The following DENND2B variants were observed in gnomAD, a reference collection of about 807,000 sequenced individuals.
DENND2B encodes the protein DENN domain containing 2B.
A neutral mutation model predicts 116.0 loss-of-function variants in DENND2B; 32 were observed. That is an observed-to-expected ratio of 0.28 (90% CI 0.21 to 0.37). The LOEUF is 0.37. Ranked by LOEUF, DENND2B falls within the 10% of genes least tolerant of loss-of-function variation. DENND2B has a pLI of 1.00. For missense variants in DENND2B, 1,276 were observed against 1,477.7 expected, an observed-to-expected ratio of 0.86 and a Z score of 2.24; for synonymous variants, 588 against 583.9, an observed-to-expected ratio of 1.01 and a Z score of -0.10.
intron 4 of DENND2B, among the ~76,000 whole-genome samples, chr11:8,833,670 T>C: frequency 6.6e-6 from 1 of 152,096 alleles, no homozygotes; most frequent in East Asian, 1.9e-4. Flanking sequence ...GCAAAGACCT[T>C]GGCTGCGAAT....
Position 8,702,217 on chromosome 11 carries a change from C to G in DENND2B, c.2720+355G>C, listed in dbSNP as rs536639290. Among the ~76,000 whole-genome samples, 1 of 152,286 alleles carries G rather than the reference C, an allele frequency of 6.6e-6. No homozygotes were observed. Among genetic ancestry groups the G allele is most frequent in the African/African-American group, 2.4e-5 (1 of 41,554 alleles). On this transcript the variant is annotated intron_variant, in intron 14 of 19. Transcript: ENST00000313726. The surrounding 1 kb of genome is among the most constrained non-coding windows in gnomAD (Gnocchi z 4.6). ...GCATCCCATTGAGATGGCTTTGCCT[C>G]CCCCTCCAGAAGAAATGCAACCATC...
intron 1 of DENND2B, chr11:8,776,429 T>C: frequency 2.7e-6 from 1 of 364,068 alleles, no homozygotes; most frequent in Non-Finnish European, 5.4e-6. Context: ...GCCCAGTCAC[T>C]GAGGACACAG....
chr11:8,777,546 A>C (rs1355275606), intron 1 of DENND2B, among the ~76,000 whole-genome samples: 1 of 152,228 alleles, frequency 6.6e-6, no homozygotes, highest in African/African-American at 2.4e-5. Flanking sequence ...GAAAGCAGTA[A>C]GATGGAAAAG....
chr11:8,886,749 C>T (rs190530705), intron 1 of DENND2B, among the ~76,000 whole-genome samples: 122 of 151,992 alleles, frequency 8.0e-4, no homozygotes, highest in African/African-American at 2.8e-3. Context: ...GTACTCAATA[C>T]ATGTCTGTTG....
rs781611628 is a variant in DENND2B, at chr11:8,789,686, TA to T, written c.-26+20830del. 3.3e-5 allele frequency among the ~76,000 whole-genome samples: 5 copies of T among 152,130 alleles called. No individual in the cohort carries two copies. The South Asian group carries it at 6.2e-4, about 19-fold the overall frequency. The stretch of plus-strand genomic sequence containing the variant: ...CCAAAGAAACAATCAGACAAATCCA[TA>T]ATGTGAAAAGTGAATTCATGTTAAG... On this transcript the variant is annotated intron_variant, in intron 1 of 19. Coordinates refer to ENST00000313726, the MANE Select transcript of DENND2B (RefSeq NM_213618.2).
At chr11:8,873,864 T>C (rs1411187590), upstream of DENND2B, among the ~76,000 whole-genome samples, 3 of 152,168 alleles carry the variant, frequency 2.0e-5, no homozygotes, top group East Asian at 5.8e-4. Context: ...GAAATCGCCA[T>C]GGAAGGATAC....
intron 2 of DENND2B, among the ~76,000 whole-genome samples, chr11:8,866,023 G>A (rs947867688): frequency 6.6e-5 from 10 of 151,872 alleles, no homozygotes; most frequent in African/African-American, 2.2e-4. Flanking sequence ...GCAGTGGCGC[G>A]ATCTCGGCTC....
At chr11:8,849,917 T>A (rs1316433910) in intron 3 of DENND2B, among the ~76,000 whole-genome samples, 1 of 150,352 alleles carries the variant, frequency 6.7e-6, no homozygotes, top group South Asian at 2.1e-4. Context: ...GGTGGATCAC[T>A]TGAGCCCAGG....
In DENND2B at chr11:8,702,461, CCACTCCAGCA is replaced by C. The variant is rs2041878633; in HGVS notation, c.2720+101_2720+110del. On this transcript the variant is annotated intron_variant, in intron 14 of 19. Coordinates refer to ENST00000313726, the MANE Select transcript of DENND2B (RefSeq NM_213618.2). The surrounding 1 kb of genome is among the most constrained non-coding windows in gnomAD (Gnocchi z 4.6). ...GTCTTCCATCTCCCTACGCACAGCCCCACTCCAGCACTGGTCTCCGGCGCCTGCTTAGGCT... is the reference window on the plus strand; with the variant it reads ...GTCTTCCATCTCCCTACGCACAGCCCCTGGTCTCCGGCGCCTGCTTAGGCT... 6.8e-7 allele frequency: 1 copy of C among 1,479,090 alleles called. No individual in the cohort carries two copies. Among genetic ancestry groups the C allele is most frequent in the Non-Finnish European group, 9.2e-7 (1 of 1,092,496 alleles). The allele number at this position is 1,479,090 out of a possible 1,614,324, so 91.6% of individuals were successfully genotyped here.
At chr11:8,758,801 G>T (rs969866212) in intron 1 of DENND2B, among the ~76,000 whole-genome samples, 2 of 152,096 alleles carry the variant, frequency 1.3e-5, no homozygotes, top group Non-Finnish European at 2.9e-5. Flanking sequence ...GGTCCACTCG[G>T]CTCTAACCTG....
Position 8,731,038 on chromosome 11 carries a change from G to A in DENND2B, c.252C>T (p.Ser84=), listed in dbSNP as rs945757681. 3.1e-6 allele frequency: 5 copies of A among 1,614,152 alleles called. No individual in the cohort carries two copies. The highest frequency in any genetic ancestry group is 3.3e-5 in the Admixed American group (2 of 60,038). ...APSPQNPQDP[S]PDTSPPTCPF... ...GACAGGTGGGTGGGGAAGTATCTGGGGAGGGATCTTGAGGATTCTGGGGTG... is the reference window on the plus strand; with the variant it reads ...GACAGGTGGGTGGGGAAGTATCTGGAGAGGGATCTTGAGGATTCTGGGGTG... The change falls in exon 3 of 20, where the codon TCC becomes TCT. Residue 84 remains serine (S), a synonymous_variant. Transcript: ENST00000313726.
At chr11:8,764,942 C>CT (rs2055381114) in intron 1 of DENND2B, among the ~76,000 whole-genome samples, 1 of 100,290 alleles carries the variant, frequency 1.0e-5, no homozygotes, top group Non-Finnish European at 1.9e-5. Flanking sequence ...GAGACTGTCT[C>CT]AAAAAAAAAA....
At chr11:8,697,717 G>A in intron 16 of DENND2B, 81 bp from the exon 17 acceptor site, 2 of 891,038 alleles carry the variant, frequency 2.2e-6, no homozygotes, top group Non-Finnish European at 3.8e-6. Flanking sequence ...AGAAGAGCGT[G>A]AGTAGATAAT....
At chr11:8,751,850 A>G (rs913168080) in intron 1 of DENND2B, among the ~76,000 whole-genome samples, 12 of 152,208 alleles carry the variant, frequency 7.9e-5, no homozygotes, top group Admixed American at 2.6e-4. Flanking sequence ...CCATATTTGC[A>G]TATCTCCTGA....
intron 1 of DENND2B, chr11:8,771,543 G>GAA (rs1288743596): frequency 2.0e-5 from 3 of 149,148 alleles, no homozygotes; most frequent in Non-Finnish European, 4.4e-5. Flanking sequence ...GAGAGAGAGA[G>GAA]AGAGAGAGAG....
intron 1 of DENND2B, among the ~76,000 whole-genome samples, chr11:8,893,686 A>G (rs1032953687): frequency 7.9e-5 from 12 of 152,208 alleles, no homozygotes; most frequent in African/African-American, 2.9e-4. Context: ...AATCCAACTT[A>G]CAAGGGATGT....
chr11:8,829,595 T>C (rs974308343), intron 4 of DENND2B, among the ~76,000 whole-genome samples: 4 of 152,194 alleles, frequency 2.6e-5, no homozygotes, highest in African/African-American at 9.7e-5. Flanking sequence ...TGAATGCTTC[T>C]GAGTAAGTTT....
At chr11:8,851,365 T>G (rs1380701277) in intron 3 of DENND2B, among the ~76,000 whole-genome samples, 1 of 151,964 alleles carries the variant, frequency 6.6e-6, no homozygotes, top group Non-Finnish European at 1.5e-5. Context: ...GAAATAGAAA[T>G]TAAACGGCCA....
At chr11:8,893,727 G>A (rs571454425) in intron 1 of DENND2B, among the ~76,000 whole-genome samples, 4 of 98,084 alleles carry the variant, frequency 4.1e-5, no homozygotes, top group East Asian at 4.0e-4. Flanking sequence ...ACTACAAACC[G>A]TTGCTCAACG....
Sources: allele counts gnomAD v4.1 joint callset (sites outside exome capture counted in the v4.1 genomes callset), GRCh38; gene constraint gnomAD v4.1.1; non-coding constraint Gnocchi (gnomAD v3.1); transcripts MANE v1.5; gene names NCBI Gene and HGNC (gene_info 2026-07-23, HGNC 2026-07-21).